The following HFM1 variants were observed in gnomAD, a reference collection of about 807,000 sequenced individuals.
HFM1 encodes the protein helicase for meiosis 1.
In HFM1, 169 loss-of-function variants were observed where a neutral mutation model predicts 192.1. The observed-to-expected ratio is 0.88, with a 90% CI of 0.78 to 1.00. The LOEUF (loss-of-function observed/expected upper bound fraction) is 1.00. HFM1 is among the 50% of genes least tolerant of loss of function. The pLI, the probability that HFM1 is intolerant of heterozygous loss-of-function variation, is 0.00. For missense variants in HFM1, 1,661 were observed against 1,668.0 expected, an observed-to-expected ratio of 1.00 and a Z score of 0.07; for synonymous variants, 525 against 537.8, an observed-to-expected ratio of 0.98 and a Z score of 0.33.
chr1:91,352,336 T>C (rs1037978849), intron 16 of HFM1, among the ~76,000 whole-genome samples, 170 bp downstream of exon 16: 7 of 151,874 alleles, frequency 4.6e-5, no homozygotes, highest in Non-Finnish European at 7.4e-5. Context: ...GAAGGAAGTA[T>C]GTCCCAGTTG....
Position 91,361,783 on chromosome 1 carries a change from C to G in HFM1, c.1686-8484G>C, listed in dbSNP as rs1484362869. Reference sequence around the variant, plus strand: ...ACGTCAGGCCAATATCCTTAATGAACACTGATGCAAAAAGCTTCAATAAAA... The same window carrying G: ...ACGTCAGGCCAATATCCTTAATGAAGACTGATGCAAAAAGCTTCAATAAAA... On this transcript the variant is annotated intron_variant, in intron 13 of 38. Transcript: ENST00000370425. Among the ~76,000 whole-genome samples the G allele has an allele frequency of 9.9e-5, 15 of 152,124 alleles. 1 individual carries two copies. Among genetic ancestry groups the G allele is most frequent in the Admixed American group, 9.8e-4 (15 of 15,280 alleles).
chr1:91,273,407 T>C (rs1252100353), intron 34 of HFM1, among the ~76,000 whole-genome samples: 2 of 152,118 alleles, frequency 1.3e-5, no homozygotes, highest in Non-Finnish European at 2.9e-5. Flanking sequence ...ATGTAATCAT[T>C]CAGTATGTTA....
rs777557586 is a variant in HFM1, at chr1:91,319,197, A to G, written c.2693T>C (p.Phe898Ser). The G allele has an allele frequency of 3.7e-6, 6 of 1,606,362 alleles. No homozygotes were observed. Among genetic ancestry groups the G allele is most frequent in the Non-Finnish European group, 5.1e-6 (6 of 1,177,968 alleles). The change falls in exon 25 of 39, where the codon TTT (phenylalanine) becomes TCT (serine). Residue 898 changes from phenylalanine (F) to serine (S), a missense_variant. By Grantham distance (155) the Phe-to-Ser change is radical (BLOSUM62 -2). Coordinates refer to ENST00000370425, the MANE Select transcript of HFM1 (RefSeq NM_001017975.6). ...GSRITRWLSD[F>S]VAAQEKKFAV... Reference sequence around the variant, plus strand: ...AAACTTCTTTTCTTGAGCAGCTACAAAATCTGACAACCCTAAAAAAAAAGT... The same window carrying G: ...AAACTTCTTTTCTTGAGCAGCTACAGAATCTGACAACCCTAAAAAAAAAGT...
intron 30 of HFM1, among the ~76,000 whole-genome samples, chr1:91,287,223 A>G (rs1240550073): frequency 6.6e-6 from 1 of 152,214 alleles, no homozygotes; most frequent in Non-Finnish European, 1.5e-5. Context: ...CAGGCAAACA[A>G]AAAGACAGCA....
intron 13 of HFM1, among the ~76,000 whole-genome samples, chr1:91,367,946 G>A (rs1361701884): frequency 1.3e-5 from 2 of 152,212 alleles, no homozygotes; most frequent in African/African-American, 4.8e-5. Flanking sequence ...CGAGAACTAT[G>A]TGACGAATGC....
intron 30 of HFM1, among the ~76,000 whole-genome samples, chr1:91,293,588 T>C (rs1034807425): frequency 8.0e-5 from 12 of 149,360 alleles, no homozygotes; most frequent in Non-Finnish European, 1.6e-4. Context: ...GGAACACTTT[T>C]ACGCTGTTGG....
intron 32 of HFM1, among the ~76,000 whole-genome samples, chr1:91,276,003 C>T (rs1160458677): frequency 6.6e-6 from 1 of 152,168 alleles, no homozygotes; most frequent in African/African-American, 2.4e-5. Flanking sequence ...TCTCTCTACT[C>T]CTTTACTTGT....
At chr1:91,331,842 G>A (rs1418437757) in intron 20 of HFM1, among the ~76,000 whole-genome samples, 2 of 152,172 alleles carry the variant, frequency 1.3e-5, no homozygotes, top group Non-Finnish European at 2.9e-5. Flanking sequence ...GTTGCAGTGA[G>A]CCAAGATCGC....
intron 1 of HFM1, among the ~76,000 whole-genome samples, chr1:91,402,435 T>A (rs1664408791): frequency 6.6e-6 from 1 of 152,092 alleles, no homozygotes. Context: ...TTTTTCTCTA[T>A]CTATTAATCA....
At chr1:91,288,908 G>A (rs1255242712) in intron 30 of HFM1, among the ~76,000 whole-genome samples, 1 of 152,076 alleles carries the variant, frequency 6.6e-6, no homozygotes, top group Admixed American at 6.5e-5. Context: ...CCCAGACGGG[G>A]TGGCGGCCGG....
At position 91,277,098 on chromosome 1, in the gene HFM1, C is replaced by G. The variant is rs369198824; in HGVS notation, c.3392-36G>C. The G allele has an allele frequency of 3.1e-5, 34 of 1,083,896 alleles. No homozygotes were observed. In the East Asian group the frequency reaches 7.3e-4, roughly 23 times the overall value. 67.1% of individuals were successfully genotyped at this position (1,083,896 alleles called of 1,614,324 possible). Reference sequence around the variant, plus strand: ...ATAAGAAAAACAAATCCATTTGTCACTACATTTATTATTGTTAATTTAATA... The same window carrying G: ...ATAAGAAAAACAAATCCATTTGTCAGTACATTTATTATTGTTAATTTAATA... On this transcript the variant is annotated intron_variant, in intron 30 of 38. Transcript: ENST00000370425.
intron 30 of HFM1, among the ~76,000 whole-genome samples, chr1:91,303,696 A>G (rs1202663507): frequency 6.6e-6 from 1 of 152,188 alleles, no homozygotes; most frequent in African/African-American, 2.4e-5. Context: ...TTTTGACTAA[A>G]GCCACCCTAC....
At chr1:91,271,239 C>T (rs954437911) in intron 34 of HFM1, among the ~76,000 whole-genome samples, 5 of 152,102 alleles carry the variant, frequency 3.3e-5, no homozygotes, top group East Asian at 1.9e-4. Flanking sequence ...TCCACTGAGG[C>T]GCTAAACTGG....
chr1:91,381,612 A>G (rs1053781200), intron 6 of HFM1, among the ~76,000 whole-genome samples: 1 of 152,180 alleles, frequency 6.6e-6, no homozygotes, highest in Non-Finnish European at 1.5e-5. Context: ...GTGAGGGTCT[A>G]TTGACAGATT....
intron 36 of HFM1, among the ~76,000 whole-genome samples, chr1:91,263,964 T>C (rs1401461795): frequency 6.6e-6 from 1 of 152,238 alleles, no homozygotes; most frequent in African/African-American, 2.4e-5. Flanking sequence ...ATGATTTACC[T>C]ACTTTTTGCT....
At chr1:91,339,186 G>T (rs1457652019) in intron 20 of HFM1, among the ~76,000 whole-genome samples, 1 of 151,214 alleles carries the variant, frequency 6.6e-6, no homozygotes, top group Non-Finnish European at 1.5e-5. Context: ...AGTCTGTCTG[G>T]GCTGATGTTC....
chr1:91,321,008 G>C (rs1652018429), intron 23 of HFM1, among the ~76,000 whole-genome samples: 1 of 152,154 alleles, frequency 6.6e-6, no homozygotes. Context: ...CCAGAGTTGG[G>C]AAGTCCAGGG....
intron 23 of HFM1, 130 bp downstream of exon 23, chr1:91,322,820 T>C (rs2101337180): frequency 6.3e-6 from 3 of 478,374 alleles, no homozygotes; most frequent in Non-Finnish European, 1.1e-5. Flanking sequence ...AGTCTGAGAG[T>C]TGTAAGAAAT....
intron 1 of HFM1, among the ~76,000 whole-genome samples, chr1:91,404,340 G>C (rs1664630783): frequency 6.6e-6 from 1 of 152,220 alleles, no homozygotes; most frequent in African/African-American, 2.4e-5. Context: ...ACAAGAACGG[G>C]GCGCTGGGGC....
Sources: allele counts gnomAD v4.1 joint callset (sites outside exome capture counted in the v4.1 genomes callset), GRCh38; gene constraint gnomAD v4.1.1; transcripts MANE v1.5; gene names NCBI Gene and HGNC (gene_info 2026-07-23, HGNC 2026-07-21).